Variants in NELFB observed in about 807,000 individuals in gnomAD.
The protein encoded by NELFB is negative elongation factor complex member B, also known as negative elongation factor B.
A neutral mutation model predicts 60.2 loss-of-function variants in NELFB; 34 were observed. The ratio of observed to expected loss-of-function variants is 0.56; its 90% CI spans 0.43 to 0.75. The LOEUF is 0.75. Among genes scored for constraint, NELFB ranks in the 30% least tolerant of loss-of-function variants. The probability of loss-of-function intolerance (pLI) is 0.00; values close to 1 mark genes in which losing one functional copy is unlikely to be tolerated. For synonymous variants in NELFB, 459 were observed against 382.1 expected, an observed-to-expected ratio of 1.20 and a Z score of -2.35; for missense variants, 770 against 831.6, an observed-to-expected ratio of 0.93 and a Z score of 0.91.
In NELFB at chr9:137,265,963, A is replaced by G; in HGVS notation, c.1127A>G (p.Gln376Arg). The G allele has an allele frequency of 6.2e-7, 1 of 1,612,362 alleles. No individual in the cohort carries two copies. Among genetic ancestry groups the G allele is most frequent in the Non-Finnish European group, 8.5e-7 (1 of 1,179,368 alleles). ...AGGCACCTGCAGGAGCTGGTCGGCC[A>G]GGAGACACTGCCCAGGGTGAGTGTG... Residue 376 changes from glutamine to arginine, a missense_variant, in exon 7 of 13, where the codon CAG becomes CGG. Transcript: ENST00000343053.
At chr9:137,259,139 T>C (rs1588184768) in intron 4 of NELFB, among the ~76,000 whole-genome samples, 1 of 152,018 alleles carries the variant, frequency 6.6e-6, no homozygotes, top group Non-Finnish European at 1.5e-5. Flanking sequence ...TGCAGTGAGG[T>C]ATGATTGAGC....
chr9:137,261,803 A>G (rs972475484), intron 4 of NELFB, among the ~76,000 whole-genome samples: 9 of 152,226 alleles, frequency 5.9e-5, no homozygotes, highest in Non-Finnish European at 1.0e-4. Flanking sequence ...CCGGGGGACC[A>G]TTACCACCAA....
At chr9:137,270,892 C>G (rs1830576516) in intron 10 of NELFB, among the ~76,000 whole-genome samples, 1 of 152,278 alleles carries the variant, frequency 6.6e-6, no homozygotes, top group Non-Finnish European at 1.5e-5. Context: ...GCACTCCAGC[C>G]TGGCTAACAG....
intron 4 of NELFB, among the ~76,000 whole-genome samples, chr9:137,258,653 C>T (rs9330195): frequency 0.68 from 102,947 of 151,416 alleles, 35,783 homozygotes; most frequent in Admixed American, 0.77. Flanking sequence ...CAGGGTTTCA[C>T]CATGTTGACC....
At chr9:137,256,514 G>C in intron 3 of NELFB, 86 bp downstream of exon 3, 3 of 1,196,170 alleles carry the variant, frequency 2.5e-6, no homozygotes. Flanking sequence ...TGGCCGCCTA[G>C]CTCCGGGAGC....
Position 137,267,092 on chromosome 9 carries a change from G to T in NELFB, c.1382+6G>T, listed in dbSNP as rs1344024182. 1.2e-6 allele frequency: 2 copies of T among 1,613,830 alleles called. No individual in the cohort carries two copies. The highest frequency in any genetic ancestry group is 2.2e-5 in the South Asian group (2 of 91,088). Reference sequence around the variant, plus strand: ...CTTCCCGAAAGCTTCACTAAGTACGGGCTGTAGGGCCATGGTGCAGGGGTG... The same window carrying T: ...CTTCCCGAAAGCTTCACTAAGTACGTGCTGTAGGGCCATGGTGCAGGGGTG... On this transcript the variant is annotated splice_donor_region_variant and intron_variant, in intron 9 of 12. Coordinates refer to ENST00000343053, the MANE Select transcript of NELFB (RefSeq NM_015456.5).
intron 6 of NELFB, among the ~76,000 whole-genome samples, chr9:137,264,880 G>A (rs1830498949): frequency 6.6e-6 from 1 of 152,218 alleles, no homozygotes; most frequent in African/African-American, 2.4e-5. Flanking sequence ...GCATTCTGGA[G>A]CCAGGCCCAG....
At chr9:137,265,398 T>TTTTTTTTC in intron 6 of NELFB, among the ~76,000 whole-genome samples, 1 of 136,010 alleles carries the variant, frequency 7.4e-6, no homozygotes, top group Non-Finnish European at 1.6e-5. Context: ...TTTTTTTTTT[T>TTTTTTTTC]TTTTTTTTGA....
At chr9:137,265,449 C>CG (rs1486514783) in intron 6 of NELFB, among the ~76,000 whole-genome samples, 1 of 122,202 alleles carries the variant, frequency 8.2e-6, no homozygotes, top group African/African-American at 3.1e-5. Flanking sequence ...AGTGCAGTGA[C>CG]GCGATCCTGG....
intron 10 of NELFB, among the ~76,000 whole-genome samples, chr9:137,270,301 G>C (rs1331117726): frequency 7.4e-6 from 1 of 134,762 alleles, no homozygotes; most frequent in African/African-American, 2.8e-5. Context: ...AAAAAAAAAA[G>C]GGCGGGGAGC....
intron 4 of NELFB, among the ~76,000 whole-genome samples, chr9:137,257,468 G>A (rs1588884194): frequency 1.4e-5 from 2 of 145,878 alleles, no homozygotes; most frequent in African/African-American, 5.1e-5. Context: ...GACTACAGGC[G>A]CCCGCCACCA....
rs1298712830 is a variant in NELFB at position 137,255,737 on chromosome 9, G to A, written c.246+126G>A. 4 of 1,420,476 alleles carry A rather than the reference G, an allele frequency of 2.8e-6. No individual in the cohort carries two copies. In the African/African-American group the frequency reaches 4.3e-5, roughly 15 times the overall value. The allele number at this position is 1,420,476 out of a possible 1,614,324, so 88.0% of individuals were successfully genotyped here. On this transcript the variant is annotated intron_variant, in intron 1 of 12. Coordinates refer to ENST00000343053, the MANE Select transcript of NELFB (RefSeq NM_015456.5). ...CTGGTGGCTGAGTCCTGTTCTGGGG[G>A]TGGAGTCCGGAGCCAGCACCCCTTT... is the stretch of plus-strand genomic sequence containing the variant.
At chr9:137,258,158 C>T (rs1316941941) in intron 4 of NELFB, among the ~76,000 whole-genome samples, 5 of 126,964 alleles carry the variant, frequency 3.9e-5, no homozygotes, top group Non-Finnish European at 6.3e-5. Flanking sequence ...GGGTCTCACT[C>T]TGTCACCCAG....
At position 137,267,233 on chromosome 9, in the gene NELFB, G is replaced by A. The variant is rs746673399; in HGVS notation, c.1383-7G>A. The A allele has an allele frequency of 1.2e-6, 2 of 1,610,550 alleles. No individual in the cohort carries two copies. The highest frequency in any genetic ancestry group is 1.1e-5 in the South Asian group (1 of 90,922). ...CTGAGGTGGGGCTGATGGCGCCCCG[G>A]GCGCAGGTTTCTGCAGGAGCAGCGC... On this transcript the variant is annotated splice_region_variant and splice_polypyrimidine_tract_variant and intron_variant, in intron 9 of 12. Coordinates refer to ENST00000343053, the MANE Select transcript of NELFB (RefSeq NM_015456.5).
At chr9:137,258,121 T>C (rs1412286168) in intron 4 of NELFB, among the ~76,000 whole-genome samples, 1 of 15,410 alleles carries the variant, frequency 6.5e-5, no homozygotes, top group Non-Finnish European at 2.5e-4. Context: ...TGTTGGGGTT[T>C]TTTTTTTTTT....
chr9:137,255,408 C>T lies in NELFB; in HGVS notation c.43C>T (p.Pro15Ser), dbSNP rs1430101648. 3.9e-6 allele frequency: 4 copies of T among 1,020,032 alleles called. No individual in the cohort carries two copies. The highest frequency in any genetic ancestry group is 3.4e-5 in the African/African-American group (2 of 58,622). 63.2% of individuals were successfully genotyped at this position (1,020,032 alleles called of 1,614,324 possible). A position where few individuals can be genotyped will look rare whatever the true frequency, so the allele number is the denominator to read the frequency against. The change falls in exon 1 of 13, where the codon CCC (proline) becomes TCC (serine). Residue 15 changes from proline to serine, a missense_variant. Physicochemically the swap from Pro to Ser is moderately conservative, Grantham distance 74. Coordinates refer to ENST00000343053, the MANE Select transcript of NELFB (RefSeq NM_015456.5). ...CGCCGGGGAGCGGGGCTCGGGCGGT[C>T]CCCGAGGCCCGGCGGAGCGGGCTTC...
chr9:137,272,733 CT>C (rs1466181677), intron 12 of NELFB, 48 bp from the exon 13 acceptor site: 1 of 1,521,358 alleles, frequency 6.6e-7, no homozygotes, highest in Non-Finnish European at 8.9e-7. Flanking sequence ...CCTGTGCCCC[CT>C]GGGCCTGCCC....
At chr9:137,271,100 C>T (rs573439096) in intron 10 of NELFB, among the ~76,000 whole-genome samples, 7 of 152,370 alleles carry the variant, frequency 4.6e-5, no homozygotes, top group South Asian at 2.1e-4. Context: ...TCCTGTCTCG[C>T]AGTCTTGGGT....
At chr9:137,264,076 C>T (rs1484681726) in intron 5 of NELFB, among the ~76,000 whole-genome samples, 169 bp from the exon 6 acceptor site, 1 of 152,226 alleles carries the variant, frequency 6.6e-6, no homozygotes, top group East Asian at 1.9e-4. Context: ...GCTGCTTTGG[C>T]CGGGAGGTGT....
Sources: allele counts gnomAD v4.1 joint callset (sites outside exome capture counted in the v4.1 genomes callset), GRCh38; gene constraint gnomAD v4.1.1; transcripts MANE v1.5; gene names NCBI Gene and HGNC (gene_info 2026-07-23, HGNC 2026-07-21).